Variants in PRDM11 observed in about 807,000 individuals in gnomAD.
PRDM11 encodes the protein PR domain-containing protein 11.
In PRDM11, 20 loss-of-function variants were observed where a neutral mutation model predicts 97.8. That is an observed-to-expected ratio of 0.20 (90% CI 0.14 to 0.30). PRDM11 has a LOEUF of 0.30. Ranked by LOEUF, PRDM11 falls within the 10% of genes least tolerant of loss-of-function variation. PRDM11 has a pLI of 1.00. For synonymous variants in PRDM11, 599 were observed against 637.7 expected (o/e 0.94, Z 0.91); for missense variants, 1,139 against 1,555.2 (o/e 0.73, Z 4.50).
chr11:45,137,084 A>AT (rs1852873741), intron 1 of PRDM11, among the ~76,000 whole-genome samples: 1 of 151,880 alleles, frequency 6.6e-6, no homozygotes, highest in African/African-American at 2.4e-5. Context: ...AATTTCTTGA[A>AT]CCTGGGAGGC....
chr11:45,146,084 T>C (rs1449598901), upstream of PRDM11, among the ~76,000 whole-genome samples: 3 of 152,158 alleles, frequency 2.0e-5, no homozygotes, highest in African/African-American at 7.2e-5. Context: ...CAACCCCACA[T>C]AAAGAGTTAA....
In PRDM11 at chr11:45,226,220, G is replaced by T; in HGVS notation, c.1595G>T (p.Cys532Phe). 1 of 1,533,916 alleles carries T rather than the reference G, an allele frequency of 6.5e-7. No individual in the cohort carries two copies. Among genetic ancestry groups the T allele is most frequent in the Non-Finnish European group, 8.7e-7 (1 of 1,146,672 alleles). Residue 532 changes from cysteine to phenylalanine, a missense_variant, in exon 8 of 8, where the codon TGC becomes TTC. By Grantham distance (205) the Cys-to-Phe change is radical (BLOSUM62 -2). This residue lies in a region of PRDM11 where 710 missense variants were observed against 1,044.9 expected (regional missense o/e 0.68). Transcript: ENST00000683152. ...PTLNEMWCHVCRQYTVQSSRT... is the reference protein window; with the variant it reads ...PTLNEMWCHVFRQYTVQSSRT... ...CTCAATGAGATGTGGTGCCACGTCT[G>T]CCGCCAGTACACGGTGCAGTCCTCA...
intron 1 of PRDM11, among the ~76,000 whole-genome samples, chr11:45,102,665 C>G (rs964206697): frequency 6.6e-6 from 1 of 152,070 alleles, no homozygotes; most frequent in African/African-American, 2.4e-5. Flanking sequence ...CCCCTGCCAT[C>G]CCAGTCCATT....
intron 6 of PRDM11, among the ~76,000 whole-genome samples, chr11:45,223,889 T>C (rs1214560186): frequency 6.6e-6 from 1 of 152,122 alleles, no homozygotes; most frequent in Non-Finnish European, 1.5e-5. Context: ...TGTGATTAAG[T>C]GGGATGTTGT....
Position 45,227,659 on chromosome 11 carries a change from A to G in PRDM11, c.3034A>G (p.Ile1012Val). Residue 1012 changes from isoleucine (I) to valine (V), a missense_variant, in exon 8 of 8, where the codon ATA (isoleucine) becomes GTA (valine). Ile to Val is a conservative substitution (Grantham distance 29, BLOSUM62 3). This residue lies in a region of PRDM11 where 710 missense variants were observed against 1,044.9 expected (regional missense o/e 0.68). Transcript: ENST00000683152. The surrounding 1 kb of genome is among the most constrained non-coding windows in gnomAD (Gnocchi z 8.0). Reference protein sequence around the residue: ...MSYGKEDMVQIFDHLEAIPTF... With the variant: ...MSYGKEDMVQVFDHLEAIPTF... ...CTATGGCAAGGAGGATATGGTGCAA[A>G]TATTTGATCACCTGGAGGCCATCCC... The G allele has an allele frequency of 6.5e-7, 1 of 1,533,858 alleles. No individual in the cohort carries two copies. Among genetic ancestry groups the G allele is most frequent in the Non-Finnish European group, 8.7e-7 (1 of 1,146,716 alleles).
chr11:45,218,867 G>A (rs921088848), intron 5 of PRDM11, among the ~76,000 whole-genome samples: 3 of 152,232 alleles, frequency 2.0e-5, no homozygotes, highest in African/African-American at 7.2e-5. Flanking sequence ...AGTGGGAAAC[G>A]TGCATAGGAC....
intron 1 of PRDM11, among the ~76,000 whole-genome samples, chr11:45,100,390 T>C (rs1851952448): frequency 1.3e-5 from 2 of 152,194 alleles, no homozygotes; most frequent in South Asian, 4.1e-4. Context: ...GTGAAGAAAC[T>C]CATGCTCAGC....
At chr11:45,156,340 C>G (rs1333416308) in intron 1 of PRDM11, among the ~76,000 whole-genome samples, 1 of 152,364 alleles carries the variant, frequency 6.6e-6, no homozygotes, top group East Asian at 1.9e-4. Context: ...TTGTCTGGGT[C>G]AGCAGATGTT....
chr11:45,166,160 G>A (rs11821175), intron 1 of PRDM11, among the ~76,000 whole-genome samples: 2,816 of 152,298 alleles, frequency 0.018, 89 homozygotes, highest in African/African-American at 0.064. Context: ...GATCTTGAGA[G>A]CTTCAGGTAC....
chr11:45,117,904 G>A (rs1852339007), intron 1 of PRDM11, among the ~76,000 whole-genome samples: 1 of 152,172 alleles, frequency 6.6e-6, no homozygotes, highest in South Asian at 2.1e-4. Flanking sequence ...AACTCAGCCA[G>A]GTCTCTAAGG....
chr11:45,147,617 G>A, intron 1 of PRDM11: 1 of 152,398 alleles, frequency 6.6e-6, no homozygotes, highest in Non-Finnish European at 1.5e-5. Flanking sequence ...AAACTTAGCG[G>A]CCAATGACCT....
intron 1 of PRDM11, among the ~76,000 whole-genome samples, chr11:45,154,724 G>A (rs1366086353): frequency 1.3e-5 from 2 of 152,120 alleles, no homozygotes; most frequent in Non-Finnish European, 2.9e-5. Context: ...CCTCCCAACT[G>A]CACCTTCTCC....
At chr11:45,174,554 C>A (rs1412407536) in intron 1 of PRDM11, among the ~76,000 whole-genome samples, 1 of 152,162 alleles carries the variant, frequency 6.6e-6, no homozygotes. Flanking sequence ...GTCATTGATT[C>A]ATTCGTTCAT....
chr11:45,130,502 A>G (rs1369760287), intron 1 of PRDM11, among the ~76,000 whole-genome samples: 3 of 152,188 alleles, frequency 2.0e-5, no homozygotes, highest in African/African-American at 4.8e-5. Context: ...TGAAACCACA[A>G]TGAACATCAC....
intron 1 of PRDM11, among the ~76,000 whole-genome samples, chr11:45,131,813 T>C (rs1204754301): frequency 6.6e-6 from 1 of 152,230 alleles, no homozygotes; most frequent in Non-Finnish European, 1.5e-5. Flanking sequence ...TAAGGGCAGA[T>C]TATTATCTCA....
At chr11:45,122,234 C>G (rs112688776) in intron 1 of PRDM11, among the ~76,000 whole-genome samples, 18,782 of 138,500 alleles carry the variant, frequency 0.14, 1,521 homozygotes, top group Admixed American at 0.26. Flanking sequence ...CACACACACA[C>G]ACAGAGAGAA....
chr11:45,121,030 A>G (rs972564055), intron 1 of PRDM11, among the ~76,000 whole-genome samples: 2 of 152,154 alleles, frequency 1.3e-5, no homozygotes, highest in African/African-American at 4.8e-5. Flanking sequence ...GAAAAAAAGA[A>G]CATATAACCA....
chr11:45,103,300 T>C (rs1229315163), intron 1 of PRDM11, among the ~76,000 whole-genome samples: 5 of 151,988 alleles, frequency 3.3e-5, no homozygotes, highest in African/African-American at 1.2e-4. Context: ...CATCTGATGG[T>C]AGACATATGA....
chr11:45,184,824 G>A (rs1393142867), intron 4 of PRDM11, among the ~76,000 whole-genome samples: 2 of 152,166 alleles, frequency 1.3e-5, no homozygotes, highest in Non-Finnish European at 2.9e-5. Flanking sequence ...AGTCACCTGT[G>A]CATGGGTGGT....
Sources: gnomAD v4.1 joint callset for allele counts (sites outside exome capture counted in the v4.1 genomes callset) on GRCh38, gnomAD v4.1.1 for gene constraint, gnomAD v4.1.1 regional missense constraint, Gnocchi (gnomAD v3.1) non-coding constraint, MANE v1.5 for transcripts, NCBI Gene and HGNC (gene_info 2026-07-23, HGNC 2026-07-21) for gene names.